TBC1D9: variants seen among roughly 807,000 people sequenced by gnomAD.
The protein encoded by TBC1D9 is TBC1 domain family member 9A.
In TBC1D9, 63 loss-of-function variants were observed where a neutral mutation model predicts 132.0. The ratio of observed to expected loss-of-function variants is 0.48; its 90% CI spans 0.39 to 0.59. TBC1D9 has a LOEUF of 0.59. Ranked by LOEUF, TBC1D9 falls within the 20% of genes least tolerant of loss-of-function variation. TBC1D9 has a pLI of 0.00. For synonymous variants in TBC1D9, 610 were observed against 609.9 expected, an observed-to-expected ratio of 1.00 and a Z score of 0.00; for missense variants, 1,261 against 1,592.7, an observed-to-expected ratio of 0.79 and a Z score of 3.54.
rs185679123 is a variant in TBC1D9 at position 140,670,958 on chromosome 4, T to C, written c.1060-32A>G. ...AGAAGTGGGAAACAAAGAGCATTAT[T>C]TTCCAAGAATTACCCAATAGCAGCC... On this transcript the variant is annotated intron_variant, in intron 6 of 20. Transcript: ENST00000442267. 24 of 1,599,060 alleles carry C rather than the reference T, an allele frequency of 1.5e-5. No homozygotes were observed. In the East Asian group the frequency reaches 5.1e-4, roughly 34 times the overall value.
chr4:140,648,764 G>A (rs1057073450), intron 13 of TBC1D9, among the ~76,000 whole-genome samples: 2 of 152,224 alleles, frequency 1.3e-5, no homozygotes, highest in East Asian at 3.9e-4. Flanking sequence ...CCAACAAATA[G>A]GTGTGTGGCC....
chr4:140,643,864 T>C (rs1475334655), intron 13 of TBC1D9: 2 of 723,922 alleles, frequency 2.8e-6, no homozygotes, highest in African/African-American at 1.7e-5. Flanking sequence ...GGGCTCGGGG[T>C]AGCCATGGTT....
chr4:140,651,664 A>C (rs931559085), intron 13 of TBC1D9, among the ~76,000 whole-genome samples: 1 of 152,234 alleles, frequency 6.6e-6, no homozygotes, highest in Non-Finnish European at 1.5e-5. Context: ...CATAATGAAG[A>C]ATTTATCTGT....
At position 140,756,162 on chromosome 4, in the gene TBC1D9, G is replaced by T; in HGVS notation, c.-117C>A. 1 of 630,524 alleles carries T rather than the reference G, an allele frequency of 1.6e-6. No individual in the cohort carries two copies. The highest frequency in any genetic ancestry group is 2.3e-6 in the Non-Finnish European group (1 of 443,790). The allele number at this position is 630,524 out of a possible 1,614,324, so 39.1% of individuals were successfully genotyped here. A position where few individuals can be genotyped will look rare whatever the true frequency, so the allele number is the denominator to read the frequency against. ...GCGCCCGCCCGCCCGTCCGCTAGGT[G>T]CGGCGGCGGCGGCGGCAGGCGACTT... On this transcript the variant is annotated 5_prime_UTR_variant, in exon 1 of 21. Transcript: ENST00000442267. This position sits in a 1 kb window ranked among gnomAD's most constrained non-coding sequence, Gnocchi z 5.6.
intron 6 of TBC1D9, among the ~76,000 whole-genome samples, chr4:140,675,135 C>T (rs1578835519): frequency 6.6e-6 from 1 of 152,132 alleles, no homozygotes. Flanking sequence ...ACATACACAG[C>T]AATGCAGAGA....
At chr4:140,665,139 A>G (rs1049990166) in intron 9 of TBC1D9, among the ~76,000 whole-genome samples, 4 of 151,998 alleles carry the variant, frequency 2.6e-5, no homozygotes, top group African/African-American at 4.8e-5. Context: ...TTAACTCAAA[A>G]TGACCTAACT....
At chr4:140,623,188 G>C (rs1294173876) in intron 20 of TBC1D9, among the ~76,000 whole-genome samples, 1 of 152,202 alleles carries the variant, frequency 6.6e-6, no homozygotes, top group East Asian at 1.9e-4. Flanking sequence ...GGGCTCACAT[G>C]AACCTCCCAC....
rs202004004 is a variant in TBC1D9, at chr4:140,622,201, G to A, written c.3795C>T (p.Ser1265=). 3.8e-4 allele frequency: 592 copies of A among 1,576,730 alleles called. 5 individuals carry two copies. In the African/African-American group the frequency reaches 7.2e-3, roughly 19 times the overall value. Reference sequence around the variant, plus strand: ...CCCCGGGAAGGCGCCCGTGTCAGCCGGACATGGCCGAGATTTCATAGTCAC... The same window carrying A: ...CCCCGGGAAGGCGCCCGTGTCAGCCAGACATGGCCGAGATTTCATAGTCAC... ...SASDYEISAM[S]G is the part of the protein sequence containing the mutation. The change falls in exon 21 of 21, where the codon TCC becomes TCT. Residue 1265 remains serine (S), a synonymous_variant. Coordinates refer to ENST00000442267, the MANE Select transcript of TBC1D9 (RefSeq NM_015130.3).
At chr4:140,701,730 T>G in intron 1 of TBC1D9, 116 bp from the exon 2 acceptor site, 1 of 719,594 alleles carries the variant, frequency 1.4e-6, no homozygotes, top group South Asian at 1.9e-5. Flanking sequence ...CATCTCCCAC[T>G]GAACCACACC....
In TBC1D9 at chr4:140,707,128, GTT is replaced by G. The variant is rs5862496; in HGVS notation, c.131-5516_131-5515del. Reference sequence around the variant, plus strand: ...TATCTCCAATACTTAGTATTACCAGGTTTTTTTTTTTATTTTCACCAATCTCT... The same window carrying G: ...TATCTCCAATACTTAGTATTACCAGGTTTTTTTTTATTTTCACCAATCTCT... On this transcript the variant is annotated intron_variant, in intron 1 of 20. Transcript: ENST00000442267. 2.0e-3 allele frequency among the ~76,000 whole-genome samples: 299 copies of G among 150,770 alleles called. 2 individuals are homozygous for G. Among genetic ancestry groups the G allele is most frequent in the African/African-American group, 6.0e-3 (248 of 41,206 alleles).
intron 12 of TBC1D9, 74 bp downstream of exon 12, chr4:140,657,453 A>C: frequency 1.3e-6 from 2 of 1,488,848 alleles, no homozygotes; most frequent in East Asian, 2.3e-5. Context: ...AAATCAGTTA[A>C]GACTCATGAA....
rs572811724 is a variant in TBC1D9, at chr4:140,708,112, A to C, written c.131-6498T>G. Among the ~76,000 whole-genome samples, 96 of 152,364 alleles carry C rather than the reference A, an allele frequency of 6.3e-4. 1 individual carries two copies. In the South Asian group the frequency reaches 0.013, roughly 21 times the overall value. ...GCTGAATATTTATAATGTGGACCACAAAATTCTCAATTTGATGAACATTGG... is the reference window on the plus strand; with the variant it reads ...GCTGAATATTTATAATGTGGACCACCAAATTCTCAATTTGATGAACATTGG... On this transcript the variant is annotated intron_variant, in intron 1 of 20. Coordinates refer to ENST00000442267, the MANE Select transcript of TBC1D9 (RefSeq NM_015130.3).
At chr4:140,665,855 A>T (rs571032534) in intron 9 of TBC1D9, among the ~76,000 whole-genome samples, 64 of 151,186 alleles carry the variant, frequency 4.2e-4, no homozygotes, top group South Asian at 1.0e-3. Flanking sequence ...TAAAAAAAAA[A>T]TTTTTTTTTG....
chr4:140,635,393 G>A (rs68052030), intron 15 of TBC1D9, among the ~76,000 whole-genome samples: 29,239 of 152,084 alleles, frequency 0.19, 3,420 homozygotes, highest in African/African-American at 0.33. Context: ...GAGGTGGGAG[G>A]ATAGTTTGAG....
intron 13 of TBC1D9, chr4:140,643,240 T>A: frequency 7.6e-7 from 1 of 1,324,494 alleles, no homozygotes. Flanking sequence ...TTGCTCCTCC[T>A]CTCCAGCTCC....
intron 15 of TBC1D9, among the ~76,000 whole-genome samples, chr4:140,635,134 T>C (rs1450811621): frequency 6.6e-6 from 1 of 152,102 alleles, no homozygotes; most frequent in Non-Finnish European, 1.5e-5. Context: ...TTCCATATTG[T>C]ATTGTCTGAA....
Position 140,755,972 on chromosome 4 carries a change from A to G in TBC1D9, c.74T>C (p.Ile25Thr), listed in dbSNP as rs559120863. The G allele has an allele frequency of 6.2e-7, 1 of 1,606,352 alleles. No homozygotes were observed. Among genetic ancestry groups the G allele is most frequent in the African/African-American group, 1.3e-5 (1 of 74,316 alleles). The change falls in exon 1 of 21, where the codon ATC becomes ACC. Residue 25 changes from isoleucine to threonine, a missense_variant. Ile to Thr is a moderately conservative substitution (Grantham distance 89, BLOSUM62 -1). This residue lies in a region of TBC1D9 where 550 missense variants were observed against 699.0 expected (regional missense o/e 0.79). Transcript: ENST00000442267. ...WITERANPYF[I>T]LQRRKGHAGD... is the part of the protein sequence containing the mutation. ...GGCGTGGCCCTTCCTCCGCTGCAGG[A>G]TGAAGTATGGGTTGGCCCTCTCGGT...
intron 1 of TBC1D9, among the ~76,000 whole-genome samples, chr4:140,703,865 G>A (rs1250524991): frequency 2.6e-5 from 4 of 152,096 alleles, no homozygotes; most frequent in South Asian, 4.1e-4. Context: ...ATGCATTTTT[G>A]TTTGCTTTAC....
At chr4:140,627,384 T>C (rs1736725483) in intron 18 of TBC1D9, 57 bp downstream of exon 18, 1 of 1,136,644 alleles carries the variant, frequency 8.8e-7, no homozygotes, top group East Asian at 2.5e-5. Context: ...CTTTTTCCAA[T>C]AATGGAGGGC....
Sources: gnomAD v4.1 joint callset for allele counts (sites outside exome capture counted in the v4.1 genomes callset) on GRCh38, gnomAD v4.1.1 for gene constraint, gnomAD v4.1.1 regional missense constraint, Gnocchi (gnomAD v3.1) non-coding constraint, MANE v1.5 for transcripts, NCBI Gene and HGNC (gene_info 2026-07-23, HGNC 2026-07-21) for gene names.